Variants in TRPV6 observed in about 807,000 individuals in gnomAD.
The protein encoded by TRPV6 is Alu-binding protein with zinc finger domain.
In TRPV6, 39 loss-of-function variants were observed where a neutral mutation model predicts 79.0. The ratio of observed to expected loss-of-function variants is 0.49; its 90% CI spans 0.38 to 0.64. The LOEUF is 0.64. Ranked by LOEUF, TRPV6 falls within the 30% of genes least tolerant of loss-of-function variation. TRPV6 has a pLI of 0.00. For missense variants in TRPV6, 813 were observed against 1,011.1 expected (o/e 0.80, Z 2.66); for synonymous variants, 373 against 391.9 (o/e 0.95, Z 0.57).
At chr7:142,877,551 C>T (rs1397913234) in intron 3 of TRPV6, 100 bp downstream of exon 3, 56 of 1,533,724 alleles carry the variant, frequency 3.7e-5, no homozygotes, top group Non-Finnish European at 4.5e-5. Flanking sequence ...GTAGGAGGCT[C>T]AGATCCCCTG....
chr7:142,880,775 T>C (rs558228879), intron 1 of TRPV6: 1 of 152,364 alleles, frequency 6.6e-6, no homozygotes, highest in East Asian at 1.9e-4. Flanking sequence ...GATGCTCAGT[T>C]AGATTTGAAT....
rs770782165 is a variant in TRPV6 at position 142,878,000 on chromosome 7, G to A, written c.275C>T (p.Ala92Val). 6.2e-7 allele frequency: 1 copy of A among 1,614,166 alleles called. No homozygotes were observed. Among genetic ancestry groups the A allele is most frequent in the Admixed American group, 1.7e-5 (1 of 60,034 alleles). Residue 92 changes from alanine (A) to valine (V), a missense_variant, in exon 2 of 15, where the codon GCT becomes GTT. By Grantham distance (64) the Ala-to-Val change is moderately conservative. Coordinates refer to ENST00000359396, the MANE Select transcript of TRPV6 (RefSeq NM_018646.6). Reference sequence around the variant, plus strand: ...GGCCTGGACATCATTATCTTTGGCAGCTAGAAGGAGAGGAGACTCCCAGAT... The same window carrying A: ...GGCCTGGACATCATTATCTTTGGCAACTAGAAGGAGAGGAGACTCCCAGAT...
intron 2 of TRPV6, 50 bp downstream of exon 2, chr7:142,877,879 C>A: frequency 6.2e-7 from 1 of 1,613,554 alleles, no homozygotes; most frequent in Non-Finnish European, 8.5e-7. Flanking sequence ...CCTGGGAGGC[C>A]CCATGTGTGG....
chr7:142,885,341 G>A (rs1795282785), intron 1 of TRPV6, 48 bp downstream of exon 1: 1 of 1,564,628 alleles, frequency 6.4e-7, no homozygotes, highest in Non-Finnish European at 8.7e-7. Flanking sequence ...AGGGGTAGAG[G>A]TGCAGGCCTG....
At position 142,878,012 on chromosome 7, in the gene TRPV6, G is replaced by C; in HGVS notation, c.263C>G (p.Pro88Arg). 1.2e-6 allele frequency: 2 copies of C among 1,614,122 alleles called. No homozygotes were observed. The highest frequency in any genetic ancestry group is 1.7e-6 in the Non-Finnish European group (2 of 1,180,006). The change falls in exon 2 of 15, where the codon CCT becomes CGT. Residue 88 changes from proline (P) to arginine (R), a missense_variant. Pro to Arg is a moderately radical substitution (Grantham distance 103). Around this residue, in one of 3 missense-constraint regions of TRPV6, gnomAD observed 555 missense variants for 631.0 expected, o/e 0.88. Transcript: ENST00000359396. ...ATTATCTTTGGCAGCTAGAAGGAGAGGAGACTCCCAGATCCTATGAAGGGA... is the reference window on the plus strand; with the variant it reads ...ATTATCTTTGGCAGCTAGAAGGAGACGAGACTCCCAGATCCTATGAAGGGA...
At position 142,885,710 on chromosome 7, in the gene TRPV6, G is replaced by A. The variant is rs975872148; in HGVS notation, c.-74C>T. ...CCCCAGCCAGTTTGGAGAGGGCTGTGAGTTTGTTACACTTGGCAGAGCCAG... is the reference window on the plus strand; with the variant it reads ...CCCCAGCCAGTTTGGAGAGGGCTGTAAGTTTGTTACACTTGGCAGAGCCAG... On this transcript the variant is annotated 5_prime_UTR_variant, in exon 1 of 15. Coordinates refer to ENST00000359396, the MANE Select transcript of TRPV6 (RefSeq NM_018646.6). 2.2e-5 allele frequency: 15 copies of A among 692,902 alleles called. No individual in the cohort carries two copies. The highest frequency in any genetic ancestry group is 2.9e-5 in the Non-Finnish European group (13 of 447,596). 42.9% of individuals were successfully genotyped at this position (692,902 alleles called of 1,614,324 possible).
intron 6 of TRPV6, 120 bp from the exon 7 acceptor site, chr7:142,876,024 A>C: frequency 8.6e-7 from 1 of 1,165,016 alleles, no homozygotes. Context: ...TTTCATTTTG[A>C]TGACAGCCTT....
intron 1 of TRPV6, chr7:142,884,815 C>T (rs1459358063): frequency 6.6e-6 from 1 of 152,128 alleles, no homozygotes; most frequent in African/African-American, 2.4e-5. Flanking sequence ...TCTTCATATC[C>T]CCCCAGTGCT....
chr7:142,883,539 T>C (rs539904741), intron 1 of TRPV6: 1 of 152,366 alleles, frequency 6.6e-6, no homozygotes, highest in East Asian at 1.9e-4. Context: ...GTTACCGGGA[T>C]GACGGAGATA....
At chr7:142,880,068 TG>T (rs1795161839) in intron 1 of TRPV6, 1 of 152,238 alleles carries the variant, frequency 6.6e-6, no homozygotes, top group African/African-American at 2.4e-5. Flanking sequence ...TCAGCAGCAA[TG>T]CCAAAAGGTG....
At position 142,875,615 on chromosome 7, in the gene TRPV6, C is replaced by T. The variant is rs1208945258; in HGVS notation, c.1095G>A (p.Gly365=). The T allele has an allele frequency of 5.6e-6, 9 of 1,613,798 alleles. No homozygotes were observed. The highest frequency in any genetic ancestry group is 7.6e-6 in the Non-Finnish European group (9 of 1,179,980). The change falls in exon 8 of 15, where the codon GGG becomes GGA. Residue 365 remains glycine, a synonymous_variant. Coordinates refer to ENST00000359396, the MANE Select transcript of TRPV6 (RefSeq NM_018646.6). ...CACCCAGCATGCAGAAGTACGGCCG[C>T]CCGTACCGCTTCCACTTGAGGCTCA...
intron 1 of TRPV6, chr7:142,881,709 A>G (rs1795195618): frequency 6.6e-6 from 1 of 152,270 alleles, no homozygotes; most frequent in Non-Finnish European, 1.5e-5. Flanking sequence ...TTCCTGGCAC[A>G]AAATCTAGCA....
chr7:142,885,684 GC>G lies in TRPV6; in HGVS notation c.-49del. 2.2e-6 allele frequency: 2 copies of G among 910,208 alleles called. No homozygotes were observed. Among genetic ancestry groups the G allele is most frequent in the Non-Finnish European group, 3.1e-6 (2 of 635,008 alleles). 56.4% of individuals were successfully genotyped at this position (910,208 alleles called of 1,614,324 possible). ...CGAGTTCCTTGGGAGTCTCCCAGCAGCCCCAGCCAGTTTGGAGAGGGCTGTG... is the reference window on the plus strand; with the variant it reads ...CGAGTTCCTTGGGAGTCTCCCAGCAGCCCAGCCAGTTTGGAGAGGGCTGTG... On this transcript the variant is annotated 5_prime_UTR_variant, in exon 1 of 15. Transcript: ENST00000359396.
chr7:142,877,295 C>T lies in TRPV6; in HGVS notation c.470-16G>A. The T allele has an allele frequency of 1.9e-6, 3 of 1,612,554 alleles. No homozygotes were observed. Among genetic ancestry groups the T allele is most frequent in the Non-Finnish European group, 1.7e-6 (2 of 1,178,672 alleles). On this transcript the variant is annotated splice_polypyrimidine_tract_variant and intron_variant, in intron 3 of 14. Transcript: ENST00000359396. ...GCAGTCTGACCTGGCCCAGAGACAGCTGTCAGTCACGGGTCTGTCCCCAGG... is the reference window on the plus strand; with the variant it reads ...GCAGTCTGACCTGGCCCAGAGACAGTTGTCAGTCACGGGTCTGTCCCCAGG...
At chr7:142,874,749 G>T in intron 10 of TRPV6, 93 bp from the exon 11 acceptor site, 1 of 1,557,706 alleles carries the variant, frequency 6.4e-7, no homozygotes, top group Non-Finnish European at 8.8e-7. Context: ...ACCCACACAT[G>T]CAGATTCAGC....
Position 142,871,905 on chromosome 7 carries a change from G to A in TRPV6, c.2100C>T (p.Asp700=). The change falls in exon 15 of 15, where the codon GAC becomes GAT. Residue 700 remains aspartate, a synonymous_variant. Transcript: ENST00000359396. ...GCTCTAGTTTTTCCACTGAGTCTTTGTCCAAATCCTCAGAGCCCCGGGTGT... is the reference window on the plus strand; with the variant it reads ...GCTCTAGTTTTTCCACTGAGTCTTTATCCAAATCCTCAGAGCCCCGGGTGT... 1 of 1,614,186 alleles carries A rather than the reference G, an allele frequency of 6.2e-7. No homozygotes were observed. Among genetic ancestry groups the A allele is most frequent in the Non-Finnish European group, 8.5e-7 (1 of 1,180,030 alleles).
chr7:142,876,016 T>C, intron 6 of TRPV6, 112 bp from the exon 7 acceptor site: 1 of 1,238,346 alleles, frequency 8.1e-7, no homozygotes, highest in Non-Finnish European at 1.1e-6. Flanking sequence ...GGCTGCCCTT[T>C]CATTTTGATG....
rs747704634 is a variant in TRPV6 at position 142,875,839 on chromosome 7, A to T, written c.948T>A (p.Thr316=). 4.0e-5 allele frequency: 64 copies of T among 1,610,770 alleles called. No homozygotes were observed. The highest frequency in any genetic ancestry group is 5.3e-5 in the Non-Finnish European group (62 of 1,178,260). ...AGTCGATCTCTGTGAGGTCATAGAG[A>T]GTCGAGGTCAGTGGTCCATACGTCC... The change falls in exon 7 of 15, where the codon ACT becomes ACA. Residue 316 remains threonine (T), a synonymous_variant. Coordinates refer to ENST00000359396, the MANE Select transcript of TRPV6 (RefSeq NM_018646.6).
At chr7:142,874,210 A>G (rs1795005210) in intron 11 of TRPV6, 68 bp from the exon 12 acceptor site, 8 of 1,530,448 alleles carry the variant, frequency 5.2e-6, no homozygotes, top group Non-Finnish European at 7.2e-6. Context: ...CCAGCCTCTA[A>G]CAGGTCTCAC....
Sources: gnomAD v4.1 joint callset for allele counts on GRCh38, gnomAD v4.1.1 for gene constraint, gnomAD v4.1.1 regional missense constraint, MANE v1.5 for transcripts, NCBI Gene and HGNC (gene_info 2026-07-23, HGNC 2026-07-21) for gene names.